The following IQSEC1 variants were observed in gnomAD, a reference collection of about 807,000 sequenced individuals.
IQSEC1 encodes the protein IQ motif and SEC7 domain-containing protein 1.
IQSEC1 carries 31 observed loss-of-function variants against 91.0 expected under a neutral mutation model. The ratio of observed to expected loss-of-function variants is 0.34; its 90% CI spans 0.26 to 0.46. The LOEUF (loss-of-function observed/expected upper bound fraction) is 0.46, where lower values mean the gene tolerates loss of function less well. Among genes scored for constraint, IQSEC1 ranks in the 20% least tolerant of loss-of-function variants. The probability of loss-of-function intolerance (pLI) is 1.00; values close to 1 mark genes in which losing one functional copy is unlikely to be tolerated. For synonymous variants in IQSEC1, 699 were observed against 662.6 expected, an observed-to-expected ratio of 1.05 and a Z score of -0.84; for missense variants, 1,388 against 1,575.6, an observed-to-expected ratio of 0.88 and a Z score of 2.02.
intron 1 of IQSEC1, among the ~76,000 whole-genome samples, chr3:13,254,264 T>G (rs979909397): frequency 6.6e-6 from 1 of 152,248 alleles, no homozygotes; most frequent in Non-Finnish European, 1.5e-5. Context: ...TCCCCATGGC[T>G]AGGCCACACC....
chr3:13,185,315 T>C (rs1693912604), intron 1 of IQSEC1, among the ~76,000 whole-genome samples: 1 of 152,208 alleles, frequency 6.6e-6, no homozygotes, highest in African/African-American at 2.4e-5. Context: ...CTGCCTCCTC[T>C]GAGAAGTCTT....
At position 12,970,529 on chromosome 3, in the gene IQSEC1, C is replaced by T. The variant is rs1194902275; in HGVS notation, c.24-28664G>A. ...CCAGATGTGTGGCACTCTCCCAAAG[C>T]CCAGCCTTTGCAGCCCCTCTCTCCA... On this transcript the variant is annotated intron_variant, in intron 1 of 13. Transcript: ENST00000613206. The surrounding 1 kb of genome is among the most constrained non-coding windows in gnomAD (Gnocchi z 4.4). Among the ~76,000 whole-genome samples the T allele has an allele frequency of 2.6e-5, 4 of 152,176 alleles. No individual in the cohort carries two copies. The highest frequency in any genetic ancestry group is 7.2e-5 in the African/African-American group (3 of 41,438).
intron 1 of IQSEC1, among the ~76,000 whole-genome samples, chr3:13,229,469 G>C (rs1377170070): frequency 6.6e-6 from 1 of 152,228 alleles, no homozygotes; most frequent in African/African-American, 2.4e-5. Context: ...CTGTGCAAGA[G>C]ATGAATGCCC....
intron 1 of IQSEC1, among the ~76,000 whole-genome samples, chr3:13,010,701 A>G (rs1234356820): frequency 1.3e-5 from 2 of 152,084 alleles, no homozygotes; most frequent in Admixed American, 1.3e-4. Flanking sequence ...TCTTTTTTTT[A>G]ATCAACCAAA....
chr3:13,203,164 T>TACACACACACAC lies in IQSEC1; in HGVS notation c.273-39043_273-39032dup, dbSNP rs10533324. On this transcript the variant is annotated intron_variant, in intron 1 of 15. Coordinates refer to the IQSEC1 transcript ENST00000648114. ...GCTCATTCGGTTCCATTACCACTACTACACACACACACACACACACACACA... is the reference window on the plus strand; with the variant it reads ...GCTCATTCGGTTCCATTACCACTACTACACACACACACACACACACACACACACACACACACA... 4.1e-5 allele frequency among the ~76,000 whole-genome samples: 6 copies of TACACACACACAC among 148,120 alleles called. 1 individual carries two copies. Among genetic ancestry groups the TACACACACACAC allele is most frequent in the Admixed American group, 6.7e-5 (1 of 14,864 alleles).
At chr3:13,169,719 CAG>C (rs1219994032) in intron 1 of IQSEC1, among the ~76,000 whole-genome samples, 11 of 152,190 alleles carry the variant, frequency 7.2e-5, no homozygotes, top group African/African-American at 2.7e-4. Context: ...AAGAGACTGG[CAG>C]CATTTTGCCT....
rs1693724609 is a variant in IQSEC1, at chr3:12,897,119, G to A, written c.*3864C>T. 1 of 152,184 alleles carries A rather than the reference G, an allele frequency of 6.6e-6. No individual in the cohort carries two copies. The highest frequency in any genetic ancestry group is 6.5e-5 in the Admixed American group (1 of 15,282). The allele number at this position is 152,184 out of a possible 1,614,324, so 9.4% of individuals were successfully genotyped here. A position where few individuals can be genotyped will look rare whatever the true frequency, so the allele number is the denominator to read the frequency against. On this transcript the variant is annotated 3_prime_UTR_variant, in exon 14 of 14. Transcript: ENST00000613206. ...AGTCCAATGTCTTCAAGGAAAGTGA[G>A]TGCCCAGAGTCACAACAAGTAATGG...
chr3:13,202,068 C>T (rs1694255249), intron 1 of IQSEC1, among the ~76,000 whole-genome samples: 1 of 152,214 alleles, frequency 6.6e-6, no homozygotes, highest in Admixed American at 6.5e-5. Flanking sequence ...CAGACGTTGT[C>T]TCTATCCACT....
At chr3:13,162,995 T>G (rs1707206368) in intron 2 of IQSEC1, among the ~76,000 whole-genome samples, 1 of 151,910 alleles carries the variant, frequency 6.6e-6, no homozygotes, top group Non-Finnish European at 1.5e-5. Context: ...ACACAGTCCT[T>G]CTGGGACCCT....
chr3:13,003,848 T>C (rs1702526698), intron 1 of IQSEC1, among the ~76,000 whole-genome samples: 1 of 152,204 alleles, frequency 6.6e-6, no homozygotes, highest in Non-Finnish European at 1.5e-5. Flanking sequence ...TCTTAGTAAT[T>C]ATGTACTGGA....
At chr3:13,261,114 T>G (rs541513116) in intron 1 of IQSEC1, among the ~76,000 whole-genome samples, 10 of 152,334 alleles carry the variant, frequency 6.6e-5, no homozygotes, top group Non-Finnish European at 1.5e-4. Flanking sequence ...AAGATCAGCC[T>G]GACCAGCTAT....
chr3:13,181,818 A>G (rs1467969847), intron 1 of IQSEC1, among the ~76,000 whole-genome samples: 1 of 152,258 alleles, frequency 6.6e-6, no homozygotes, highest in African/African-American at 2.4e-5. Flanking sequence ...AATGAAATCT[A>G]TAATGGAATA....
At chr3:13,021,627 T>G (rs1703401925) in intron 1 of IQSEC1, among the ~76,000 whole-genome samples, 1 of 152,182 alleles carries the variant, frequency 6.6e-6, no homozygotes, top group Non-Finnish European at 1.5e-5. Flanking sequence ...ACTCAGTGAC[T>G]GACGTTTACG....
At chr3:13,094,183 T>C (rs1705916425) in intron 2 of IQSEC1, among the ~76,000 whole-genome samples, 1 of 152,138 alleles carries the variant, frequency 6.6e-6, no homozygotes, top group African/African-American at 2.4e-5. Context: ...GCACCTCGTA[T>C]CACAGTGGAG....
intron 1 of IQSEC1, among the ~76,000 whole-genome samples, chr3:13,172,638 A>C (rs1184637740): frequency 6.6e-6 from 1 of 152,192 alleles, no homozygotes; most frequent in Non-Finnish European, 1.5e-5. Context: ...TCTTGGTATC[A>C]ATCACTGCAT....
At chr3:12,957,321 G>A (rs1699970479) in intron 1 of IQSEC1, among the ~76,000 whole-genome samples, 1 of 152,114 alleles carries the variant, frequency 6.6e-6, no homozygotes, top group Non-Finnish European at 1.5e-5. Flanking sequence ...TCTGCCAGAC[G>A]CTTGTCCCTG....
chr3:13,183,147 G>C (rs1243567425), intron 1 of IQSEC1, among the ~76,000 whole-genome samples: 2 of 150,498 alleles, frequency 1.3e-5, no homozygotes, highest in African/African-American at 4.9e-5. Flanking sequence ...CTGGGTGACA[G>C]AGCAAGACTC....
intron 1 of IQSEC1, among the ~76,000 whole-genome samples, chr3:12,966,434 C>T (rs1402717670): frequency 1.3e-5 from 2 of 152,188 alleles, no homozygotes; most frequent in African/African-American, 4.8e-5. Flanking sequence ...TCAACAAATC[C>T]CCTTAGCCCC....
At chr3:12,938,197 G>C (rs556448273) in intron 2 of IQSEC1, among the ~76,000 whole-genome samples, 1 of 152,238 alleles carries the variant, frequency 6.6e-6, no homozygotes, top group Non-Finnish European at 1.5e-5. Flanking sequence ...CTGCCTGTAT[G>C]GTCCCAGATG....
Sources: allele counts gnomAD v4.1 joint callset (sites outside exome capture counted in the v4.1 genomes callset), GRCh38; gene constraint gnomAD v4.1.1; non-coding constraint Gnocchi (gnomAD v3.1); transcripts MANE v1.5; gene names NCBI Gene and HGNC (gene_info 2026-07-23, HGNC 2026-07-21).